Variants in MN1 observed in about 807,000 individuals in gnomAD.
MN1 encodes transcriptional activator MN1.
Under a neutral mutation model 86.9 loss-of-function variants are expected in MN1, and 19 were observed. The observed-to-expected ratio is 0.22, with a 90% CI of 0.15 to 0.32. The LOEUF (loss-of-function observed/expected upper bound fraction) is 0.32. Ranked by LOEUF, MN1 falls within the 10% of genes least tolerant of loss-of-function variation. The probability of loss-of-function intolerance (pLI) is 1.00; values close to 1 mark genes in which losing one functional copy is unlikely to be tolerated. For missense variants in MN1, 1,841 were observed against 1,862.0 expected, an observed-to-expected ratio of 0.99 and a Z score of 0.21; for synonymous variants, 928 against 849.6, an observed-to-expected ratio of 1.09 and a Z score of -1.60.
chr22:27,791,814 C>T (rs1208575721), intron 1 of MN1: 2 of 152,154 alleles, frequency 1.3e-5, no homozygotes, highest in Admixed American at 6.5e-5. Context: ...GAACACAATC[C>T]GACGTCATTG....
rs754634034 is a variant in MN1 at position 27,797,429 on chromosome 22, G to A, written c.3115C>T (p.Pro1039Ser). ...TCCGAGGCGAACTCACCCACGTTTG[G>A]CGAACTACTGTCCGACTTGGCCCCG... ...DGGAKSDSSSPNVGEFASDEV... is the reference protein window; with the variant it reads ...DGGAKSDSSSSNVGEFASDEV... Residue 1039 changes from proline (P) to serine (S), a missense_variant, in exon 1 of 2, where the codon CCA becomes TCA. Coordinates refer to ENST00000302326, the MANE Select transcript of MN1 (RefSeq NM_002430.3). The A allele has an allele frequency of 1.2e-6, 2 of 1,609,976 alleles. No homozygotes were observed. The highest frequency in any genetic ancestry group is 1.7e-6 in the Non-Finnish European group (2 of 1,178,586).
chr22:27,773,376 G>C (rs1337819108), intron 1 of MN1, among the ~76,000 whole-genome samples: 1 of 152,220 alleles, frequency 6.6e-6, no homozygotes, highest in Non-Finnish European at 1.5e-5. Flanking sequence ...GAGCGAGGGA[G>C]AGAGGGAGGC....
At position 27,758,754 on chromosome 22, in the gene MN1, C is replaced by T. The variant is rs150511378; in HGVS notation, c.3782-7658G>A. ...CATATGGCAGGTACCCAGGAAAATG[C>T]TACCAGCTATCAGGGCAGACAGAAG... On this transcript the variant is annotated intron_variant, in intron 1 of 1. Coordinates refer to ENST00000302326, the MANE Select transcript of MN1 (RefSeq NM_002430.3). Among the ~76,000 whole-genome samples the T allele has an allele frequency of 5.1e-3, 771 of 152,298 alleles. 10 individuals carry two copies. Among genetic ancestry groups the T allele is most frequent in the African/African-American group, 0.018 (742 of 41,564 alleles).
At chr22:27,796,308 T>C (rs373941089) in intron 1 of MN1, among the ~76,000 whole-genome samples, 1 of 152,138 alleles carries the variant, frequency 6.6e-6, no homozygotes, top group East Asian at 1.9e-4. Context: ...GCTGACTAAC[T>C]AGGAAAAGGT....
intron 1 of MN1, among the ~76,000 whole-genome samples, chr22:27,792,226 T>G (rs1028508644): frequency 3.3e-5 from 5 of 150,872 alleles, no homozygotes; most frequent in Non-Finnish European, 7.4e-5. Context: ...AGTTCCTTAT[T>G]TCCGGTCTGA....
At chr22:27,795,426 C>A (rs754002533) in intron 1 of MN1, among the ~76,000 whole-genome samples, 1 of 152,044 alleles carries the variant, frequency 6.6e-6, no homozygotes, top group East Asian at 1.9e-4. Context: ...CACCTTAAAT[C>A]CAGGGTCAAG....
chr22:27,765,421 A>C (rs1176436636), intron 1 of MN1, among the ~76,000 whole-genome samples: 1 of 90,014 alleles, frequency 1.1e-5, no homozygotes, highest in Non-Finnish European at 2.1e-5. Context: ...AGAAAAAAAA[A>C]AGTCATTCCA....
chr22:27,785,340 A>G (rs1933112902), intron 1 of MN1, among the ~76,000 whole-genome samples: 1 of 152,226 alleles, frequency 6.6e-6, no homozygotes, highest in Non-Finnish European at 1.5e-5. Context: ...GTCGAGAAGC[A>G]AAAACACAGG....
rs183629329 is a variant in MN1, at chr22:27,776,009, A to G, written c.3781+20754T>C. Among the ~76,000 whole-genome samples the G allele has an allele frequency of 8.5e-5, 13 of 152,356 alleles. No individual in the cohort carries two copies. The East Asian group carries it at 1.3e-3, about 16-fold the overall frequency. On this transcript the variant is annotated intron_variant, in intron 1 of 1. Coordinates refer to ENST00000302326, the MANE Select transcript of MN1 (RefSeq NM_002430.3). ...TGGGCAGAAGGGAGGGGGAGCCACA[A>G]GGAAGCAGTGGGGGCTGCAAATTTC...
chr22:27,760,064 C>G (rs1340218790), intron 1 of MN1, among the ~76,000 whole-genome samples: 1 of 152,086 alleles, frequency 6.6e-6, no homozygotes, highest in African/African-American at 2.4e-5. Context: ...ATTAACCAGA[C>G]ATTGGCTGGG....
At chr22:27,778,952 C>A (rs911816265) in intron 1 of MN1, among the ~76,000 whole-genome samples, 1 of 152,144 alleles carries the variant, frequency 6.6e-6, no homozygotes, top group South Asian at 2.1e-4. Context: ...ATGAGGTGGG[C>A]GGGGCTGGGA....
chr22:27,756,805 G>A (rs1377590225), intron 1 of MN1, among the ~76,000 whole-genome samples: 1 of 152,064 alleles, frequency 6.6e-6, no homozygotes, highest in Non-Finnish European at 1.5e-5. Context: ...ATCCAGGCTG[G>A]AGTGCAGTGG....
Position 27,797,358 on chromosome 22 carries a change from G to A in MN1, c.3186C>T (p.Ser1062=). ...TAACTAGTGCCTGGGGGTTGTCAGA[G>A]CTGGACGACACCTCGTCCTCATTGG... is the stretch of plus-strand genomic sequence containing the variant. ...SYANEDEVSS[S]SDNPQALVKA... is the part of the protein sequence containing the mutation. The change falls in exon 1 of 2, where the codon AGC becomes AGT. Residue 1062 remains serine (S), a synonymous_variant. Coordinates refer to ENST00000302326, the MANE Select transcript of MN1 (RefSeq NM_002430.3). 6.2e-7 allele frequency: 1 copy of A among 1,609,386 alleles called. No individual in the cohort carries two copies. Among genetic ancestry groups the A allele is most frequent in the Middle Eastern group, 1.6e-4 (1 of 6,062 alleles).
Position 27,801,607 on chromosome 22 carries a change from C to T in MN1, c.-1064G>A, listed in dbSNP as rs1020541989. 1 of 33,266 alleles carries T rather than the reference C, an allele frequency of 3.0e-5. No individual in the cohort carries two copies. The highest frequency in any genetic ancestry group is 1.2e-4 in the African/African-American group (1 of 8,010). The allele number at this position is 33,266 out of a possible 1,614,324, so 2.1% of individuals were successfully genotyped here. On this transcript the variant is annotated 5_prime_UTR_variant, in exon 1 of 2. Coordinates refer to ENST00000302326, the MANE Select transcript of MN1 (RefSeq NM_002430.3). Reference sequence around the variant, plus strand: ...GCGTTCCCGCTGCGCTCTCAGAGCCCGGAATGGGGGGAGGGGGGCGCGGGG... The same window carrying T: ...GCGTTCCCGCTGCGCTCTCAGAGCCTGGAATGGGGGGAGGGGGGCGCGGGG...
At chr22:27,788,937 A>G (rs1933175944) in intron 1 of MN1, among the ~76,000 whole-genome samples, 1 of 152,162 alleles carries the variant, frequency 6.6e-6, no homozygotes, top group Non-Finnish European at 1.5e-5. Flanking sequence ...AAGTGTTGAG[A>G]TCAAACAAAA....
intron 1 of MN1, among the ~76,000 whole-genome samples, chr22:27,766,072 C>T (rs543661546): frequency 1.1e-3 from 175 of 152,282 alleles, no homozygotes; most frequent in African/African-American, 4.0e-3. Flanking sequence ...CTCTCCTCCC[C>T]AACTCTGGGA....
chr22:27,800,976 A>G lies in MN1; in HGVS notation c.-433T>C, dbSNP rs868572751. ...TTGGGTCTGCTGGGGAGCCCTCAGG[A>G]CGCCGCCCGCAGCCTCCCGGAGTCC... On this transcript the variant is annotated 5_prime_UTR_variant, in exon 1 of 2. Coordinates refer to ENST00000302326, the MANE Select transcript of MN1 (RefSeq NM_002430.3). The G allele has an allele frequency of 3.3e-6, 1 of 300,308 alleles. No individual in the cohort carries two copies. The allele number at this position is 300,308 out of a possible 1,614,324, so 18.6% of individuals were successfully genotyped here.
In MN1 at chr22:27,750,793, AC is replaced by A. The variant is rs1568968796; in HGVS notation, c.*121del. ...GTACCAACCTAGAGAAAAAAAAAAA[AC>A]TCATCCACTCAGCAATAGTGGCCCT... On this transcript the variant is annotated 3_prime_UTR_variant, in exon 2 of 2. Transcript: ENST00000302326. 1.2e-6 allele frequency: 1 copy of A among 829,218 alleles called. No homozygotes were observed. Among genetic ancestry groups the A allele is most frequent in the Non-Finnish European group, 1.8e-6 (1 of 566,558 alleles). 51.4% of individuals were successfully genotyped at this position (829,218 alleles called of 1,614,324 possible).
At position 27,767,621 on chromosome 22, in the gene MN1, T is replaced by C. The variant is rs45486693; in HGVS notation, c.3782-16525A>G. On this transcript the variant is annotated intron_variant, in intron 1 of 1. Coordinates refer to ENST00000302326, the MANE Select transcript of MN1 (RefSeq NM_002430.3). ...AGAAAGGCCACCTTCCCAACCAACA[T>C]GCCACCCAGCCCTGAGACTGGACCT... 3.9e-3 allele frequency among the ~76,000 whole-genome samples: 593 copies of C among 152,162 alleles called. 5 individuals carry two copies. The highest frequency in any genetic ancestry group is 0.014 in the African/African-American group (569 of 41,512).
Sources: allele counts gnomAD v4.1 joint callset (sites outside exome capture counted in the v4.1 genomes callset), GRCh38; gene constraint gnomAD v4.1.1; transcripts MANE v1.5; gene names NCBI Gene and HGNC (gene_info 2026-07-23, HGNC 2026-07-21).